The following SLC44A1 variants were observed in gnomAD, a reference collection of about 807,000 sequenced individuals.
SLC44A1 encodes the protein choline transporter-like protein 1.
SLC44A1 carries 26 observed loss-of-function variants against 79.3 expected under a neutral mutation model. The observed-to-expected ratio is 0.33, with a 90% CI of 0.24 to 0.46. SLC44A1 has a LOEUF of 0.46. Ranked by LOEUF, SLC44A1 falls within the 20% of genes least tolerant of loss-of-function variation. SLC44A1 has a pLI of 1.00. For missense variants in SLC44A1, 688 were observed against 798.1 expected (o/e 0.86, Z 1.66); for synonymous variants, 263 against 286.2 (o/e 0.92, Z 0.82).
At chr9:105,284,273 C>T (rs886203298) in intron 1 of SLC44A1, among the ~76,000 whole-genome samples, 1 of 150,018 alleles carries the variant, frequency 6.7e-6, no homozygotes, top group East Asian at 1.9e-4. Context: ...ACTTTGTTGC[C>T]CAGGCTGGTC....
rs1277255249 is a variant in SLC44A1 at position 105,396,680 on chromosome 9, TG to T, written c.*7625del. Reference sequence around the variant, plus strand: ...GCTGTGTAATGTGGCATGAGAAGTATGTTTTGGTGCCACATATTTCTCAATC... The same window carrying T: ...GCTGTGTAATGTGGCATGAGAAGTATTTTTGGTGCCACATATTTCTCAATC... On this transcript the variant is annotated 3_prime_UTR_variant, in exon 16 of 16. Coordinates refer to ENST00000374720, the MANE Select transcript of SLC44A1 (RefSeq NM_080546.5). 7.1e-6 allele frequency: 7 copies of T among 985,178 alleles called. No individual in the cohort carries two copies. The highest frequency in any genetic ancestry group is 8.4e-6 in the Non-Finnish European group (7 of 829,880). The allele number at this position is 985,178 out of a possible 1,614,324, so 61.0% of individuals were successfully genotyped here.
intron 2 of SLC44A1, chr9:105,299,637 G>C (rs1026345013): frequency 6.1e-6 from 2 of 326,456 alleles, no homozygotes; most frequent in Non-Finnish European, 9.3e-6. Context: ...CAACTTGTTG[G>C]TTATCTTTAG....
rs979805794 is a variant in SLC44A1, at chr9:105,364,763, G to A, written c.1253+43G>A. 14 of 1,529,310 alleles carry A rather than the reference G, an allele frequency of 9.2e-6. No individual in the cohort carries two copies. In the African/African-American group the frequency reaches 1.1e-4, roughly 12 times the overall value. The allele number at this position is 1,529,310 out of a possible 1,614,324, so 94.7% of individuals were successfully genotyped here. On this transcript the variant is annotated intron_variant, in intron 10 of 15. Transcript: ENST00000374720. ...TTAGAAAACTCGAGTTCATCTAAGG[G>A]ATGGTGTCCGCAGGCTGGAGGGGAA...
intron 1 of SLC44A1, among the ~76,000 whole-genome samples, chr9:105,258,095 A>C (rs937948093): frequency 2.0e-5 from 3 of 152,248 alleles, no homozygotes; most frequent in African/African-American, 7.2e-5. Context: ...TTCCTGACTT[A>C]ATCTGGATAT....
intron 12 of SLC44A1, among the ~76,000 whole-genome samples, chr9:105,372,994 A>G (rs1255938671): frequency 6.6e-6 from 1 of 152,070 alleles, no homozygotes; most frequent in African/African-American, 2.4e-5. Flanking sequence ...TGCTCAGTAC[A>G]ATACTCTCTT....
chr9:105,428,070 T>G (rs556986512), intron 15 of SLC44A1, among the ~76,000 whole-genome samples: 6 of 152,270 alleles, frequency 3.9e-5, no homozygotes, highest in Admixed American at 1.3e-4. Context: ...GTAGCAAATC[T>G]TTTTCCTTCT....
intron 13 of SLC44A1, among the ~76,000 whole-genome samples, chr9:105,376,084 A>G (rs1395176990): frequency 1.3e-5 from 2 of 152,116 alleles, no homozygotes; most frequent in Non-Finnish European, 2.9e-5. Context: ...TTCTCTTACT[A>G]TTGAACCCTT....
chr9:105,260,446 T>G (rs1829812781), intron 1 of SLC44A1, among the ~76,000 whole-genome samples: 1 of 152,190 alleles, frequency 6.6e-6, no homozygotes, highest in South Asian at 2.1e-4. Flanking sequence ...GTGATTATGG[T>G]GAAACCAGAA....
chr9:105,289,566 T>G (rs565729189), intron 1 of SLC44A1, among the ~76,000 whole-genome samples: 15 of 152,320 alleles, frequency 9.8e-5, no homozygotes, highest in African/African-American at 3.6e-4. Flanking sequence ...ACCTTACGGG[T>G]TCCTCTGGTA....
At chr9:105,365,663 A>G in intron 11 of SLC44A1, 24 bp downstream of exon 11, 10 of 1,605,398 alleles carry the variant, frequency 6.2e-6, no homozygotes, top group Non-Finnish European at 7.7e-6. Context: ...GCATTTCTGT[A>G]CTTTCTGTGG....
chr9:105,279,196 A>C (rs1830287971), intron 1 of SLC44A1, among the ~76,000 whole-genome samples: 1 of 150,420 alleles, frequency 6.6e-6, no homozygotes, highest in Non-Finnish European at 1.5e-5. Flanking sequence ...AAGACTCAAA[A>C]AAAAAAAAAA....
At chr9:105,370,349 G>C (rs544421019) in intron 12 of SLC44A1, among the ~76,000 whole-genome samples, 28 of 152,170 alleles carry the variant, frequency 1.8e-4, no homozygotes, top group Non-Finnish European at 3.8e-4. Context: ...GTGAGTGAAA[G>C]AGCTTGCAAA....
intron 3 of SLC44A1, among the ~76,000 whole-genome samples, chr9:105,329,134 A>G (rs1185413310): frequency 6.6e-6 from 1 of 152,192 alleles, no homozygotes; most frequent in Non-Finnish European, 1.5e-5. Flanking sequence ...AGCCTCCGCT[A>G]GGCTGTCATG....
At chr9:105,249,724 G>A (rs921700394) in intron 1 of SLC44A1, among the ~76,000 whole-genome samples, 6 of 150,230 alleles carry the variant, frequency 4.0e-5, no homozygotes, top group African/African-American at 1.2e-4. Context: ...TAGTAGAGAC[G>A]AGTTTTCACC....
At chr9:105,313,604 G>A (rs1831238376) in intron 3 of SLC44A1, among the ~76,000 whole-genome samples, 1 of 151,936 alleles carries the variant, frequency 6.6e-6, no homozygotes, top group Non-Finnish European at 1.5e-5. Context: ...TTGATGGTGG[G>A]GATCAGGGTG....
intron 1 of SLC44A1, among the ~76,000 whole-genome samples, chr9:105,273,736 C>T (rs1830131956): frequency 6.6e-6 from 1 of 152,040 alleles, no homozygotes; most frequent in Non-Finnish European, 1.5e-5. Flanking sequence ...TTGTACATAG[C>T]CGTATCATAC....
At chr9:105,434,446 T>G (rs971273143) in intron 15 of SLC44A1, among the ~76,000 whole-genome samples, 1 of 152,274 alleles carries the variant, frequency 6.6e-6, no homozygotes, top group East Asian at 1.9e-4. Flanking sequence ...GGTTGAAAGA[T>G]GAATTTGAGG....
intron 1 of SLC44A1, among the ~76,000 whole-genome samples, chr9:105,292,880 A>C (rs1253761309): frequency 7.2e-5 from 11 of 152,168 alleles, no homozygotes; most frequent in Admixed American, 7.2e-4. Flanking sequence ...ATGCTTAAGA[A>C]TATTTTCTGA....
At chr9:105,406,686 G>C (rs1166487757) in intron 15 of SLC44A1, among the ~76,000 whole-genome samples, 1 of 152,164 alleles carries the variant, frequency 6.6e-6, no homozygotes, top group Non-Finnish European at 1.5e-5. Context: ...AGGCCGCAGT[G>C]AGCTGAGATT....
Sources: allele counts gnomAD v4.1 joint callset (sites outside exome capture counted in the v4.1 genomes callset), GRCh38; gene constraint gnomAD v4.1.1; transcripts MANE v1.5; gene names NCBI Gene and HGNC (gene_info 2026-07-23, HGNC 2026-07-21).